FREM2: variants seen among roughly 807,000 people sequenced by gnomAD.
FREM2 encodes the protein FRAS1 related extracellular matrix 2.
FREM2 carries 119 observed loss-of-function variants against 219.9 expected under a neutral mutation model. That is an observed-to-expected ratio of 0.54 (90% CI 0.47 to 0.63). FREM2 has a LOEUF of 0.63. Among genes scored for constraint, FREM2 ranks in the 30% least tolerant of loss-of-function variants. The pLI, the probability that FREM2 is intolerant of heterozygous loss-of-function variation, is 0.00. For missense variants in FREM2, 4,030 were observed against 3,993.6 expected, an observed-to-expected ratio of 1.01 and a Z score of -0.25; for synonymous variants, 1,562 against 1,522.8, an observed-to-expected ratio of 1.03 and a Z score of -0.60.
chr13:38,875,701 C>T (rs1265073185), intron 18 of FREM2, among the ~76,000 whole-genome samples: 1 of 152,174 alleles, frequency 6.6e-6, no homozygotes, highest in African/African-American at 2.4e-5. Context: ...TGCTGTGACT[C>T]CCCAGAAAGT....
intron 23 of FREM2, 30 bp from the exon 24 acceptor site, chr13:38,880,254 T>C (rs1878491111): frequency 6.8e-6 from 11 of 1,607,618 alleles, no homozygotes; most frequent in Non-Finnish European, 9.4e-6. Flanking sequence ...GTATCTAGTA[T>C]TTCCTAATAA....
At chr13:38,776,806 G>A (rs572443163) in intron 4 of FREM2, among the ~76,000 whole-genome samples, 13 of 151,580 alleles carry the variant, frequency 8.6e-5, no homozygotes, top group Non-Finnish European at 1.8e-4. Flanking sequence ...AAAACCCAGA[G>A]GTCTATTCAC....
Position 38,843,904 on chromosome 13 carries a change from T to C in FREM2, c.6020-2669T>C, listed in dbSNP as rs142477750. ...TAGTTAGCAGAGTTTTTTTTTTTCTTATGGAAACTACTGAATGTGTTTTAA... is the reference window on the plus strand; with the variant it reads ...TAGTTAGCAGAGTTTTTTTTTTTCTCATGGAAACTACTGAATGTGTTTTAA... On this transcript the variant is annotated intron_variant, in intron 6 of 23. Transcript: ENST00000280481. Among the ~76,000 whole-genome samples, 730 of 152,200 alleles carry C rather than the reference T, an allele frequency of 4.8e-3. 6 individuals are homozygous for C. Among genetic ancestry groups the C allele is most frequent in the African/African-American group, 0.017 (706 of 41,548 alleles).
intron 4 of FREM2, among the ~76,000 whole-genome samples, chr13:38,781,421 G>C (rs1874113980): frequency 6.6e-6 from 1 of 151,726 alleles, no homozygotes; most frequent in Non-Finnish European, 1.5e-5. Flanking sequence ...GTCACCCTCA[G>C]CATATTTTAT....
intron 2 of FREM2, among the ~76,000 whole-genome samples, chr13:38,719,180 C>T (rs1871124755): frequency 1.3e-5 from 2 of 152,154 alleles, no homozygotes; most frequent in South Asian, 2.1e-4. Flanking sequence ...TTCCTTGGCT[C>T]ATAGCCCCTT....
intron 6 of FREM2, among the ~76,000 whole-genome samples, chr13:38,819,794 T>C (rs1310222869): frequency 6.6e-6 from 1 of 152,140 alleles, no homozygotes; most frequent in African/African-American, 2.4e-5. Flanking sequence ...AGTGGTTGGA[T>C]AACTTGCCCA....
At chr13:38,693,038 A>G (rs1869961192) in intron 1 of FREM2, among the ~76,000 whole-genome samples, 1 of 152,224 alleles carries the variant, frequency 6.6e-6, no homozygotes, top group Admixed American at 6.5e-5. Context: ...CTTTGTAACT[A>G]AAAGATTTGT....
intron 2 of FREM2, among the ~76,000 whole-genome samples, chr13:38,699,016 A>C (rs2218722): frequency 0.095 from 14,419 of 152,220 alleles, 849 homozygotes; most frequent in South Asian, 0.2. Flanking sequence ...AGTTCTAAAA[A>C]GGAAATCAAC....
chr13:38,826,903 G>A (rs1876310225), intron 6 of FREM2, among the ~76,000 whole-genome samples: 2 of 151,978 alleles, frequency 1.3e-5, no homozygotes, highest in African/African-American at 4.8e-5. Context: ...CCTCTTCCTA[G>A]AATCTTTTAA....
chr13:38,712,641 TTC>T (rs1415080103), intron 2 of FREM2, among the ~76,000 whole-genome samples: 5 of 111,062 alleles, frequency 4.5e-5, no homozygotes, highest in Admixed American at 2.1e-4. Flanking sequence ...TACTCTCTCT[TTC>T]TCTCTCTCAC....
rs1877682691 is a variant in FREM2 at position 38,859,494 on chromosome 13, G to C, written c.7423G>C (p.Gly2475Arg). 2.5e-6 allele frequency: 4 copies of C among 1,613,944 alleles called. No individual in the cohort carries two copies. The highest frequency in any genetic ancestry group is 2.5e-6 in the Non-Finnish European group (3 of 1,180,016). ...ACTGGACTCCATATACTTTCAGCCT[G>C]GCTCCCGGGTACAGTGCGCAGCTCG... is the stretch of plus-strand genomic sequence containing the variant. Reference protein sequence around the residue: ...VTLDSIYFQPGSRVQCAARAV... With the variant: ...VTLDSIYFQPRSRVQCAARAV... Residue 2475 changes from glycine to arginine, a missense_variant, in exon 14 of 24, where the codon GGC becomes CGC. Gly to Arg is a moderately radical substitution (Grantham distance 125). Coordinates refer to ENST00000280481, the MANE Select transcript of FREM2 (RefSeq NM_207361.6).
chr13:38,704,201 A>T (rs1373675292), intron 2 of FREM2, among the ~76,000 whole-genome samples: 1 of 152,178 alleles, frequency 6.6e-6, no homozygotes, highest in African/African-American at 2.4e-5. Context: ...TTATCGAATT[A>T]CTCAACAAAT....
intron 2 of FREM2, among the ~76,000 whole-genome samples, chr13:38,753,431 G>C (rs1043608603): frequency 4.6e-5 from 7 of 152,144 alleles, no homozygotes; most frequent in African/African-American, 1.7e-4. Flanking sequence ...CACCCTTTCT[G>C]AATCTTAGTG....
chr13:38,807,676 G>A (rs1221163794), intron 6 of FREM2, among the ~76,000 whole-genome samples: 1 of 151,810 alleles, frequency 6.6e-6, no homozygotes, highest in East Asian at 2.0e-4. Flanking sequence ...TTTTAAAGCA[G>A]TCCTTTTTTC....
intron 2 of FREM2, among the ~76,000 whole-genome samples, chr13:38,734,762 T>TTC (rs1871914688): frequency 3.4e-5 from 5 of 145,502 alleles, no homozygotes; most frequent in African/African-American, 1.3e-4. Flanking sequence ...TTTTTTTTTT[T>TTC]CTGAAACACA....
chr13:38,834,828 A>G (rs1295955489), intron 6 of FREM2, among the ~76,000 whole-genome samples: 10 of 152,110 alleles, frequency 6.6e-5, no homozygotes, highest in Admixed American at 6.6e-4. Context: ...GTTTAAGTTC[A>G]TTGTAGATTC....
intron 2 of FREM2, among the ~76,000 whole-genome samples, chr13:38,718,809 A>C (rs1470820866): frequency 6.6e-6 from 1 of 152,228 alleles, no homozygotes; most frequent in East Asian, 1.9e-4. Flanking sequence ...CAGAGGGCAG[A>C]GATAGGAAAC....
chr13:38,706,282 A>G (rs1870536607), intron 2 of FREM2, among the ~76,000 whole-genome samples: 1 of 152,172 alleles, frequency 6.6e-6, no homozygotes, highest in African/African-American at 2.4e-5. Context: ...TAATACACTG[A>G]GCCATAAGTG....
At chr13:38,795,518 G>A (rs1416596722) in intron 6 of FREM2, among the ~76,000 whole-genome samples, 1 of 151,936 alleles carries the variant, frequency 6.6e-6, no homozygotes, top group Non-Finnish European at 1.5e-5. Flanking sequence ...TGCATAGAAT[G>A]TGCAATGATC....
Sources: gnomAD v4.1 joint callset for allele counts (sites outside exome capture counted in the v4.1 genomes callset) on GRCh38, gnomAD v4.1.1 for gene constraint, MANE v1.5 for transcripts, NCBI Gene and HGNC (gene_info 2026-07-23, HGNC 2026-07-21) for gene names.